Variants in ENAH observed in about 807,000 individuals in gnomAD.
The protein encoded by ENAH is protein enabled homolog.
Under a neutral mutation model 78.7 loss-of-function variants are expected in ENAH, and 23 were observed. The observed-to-expected ratio is 0.29, with a 90% confidence interval of 0.21 to 0.41. The LOEUF (loss-of-function observed/expected upper bound fraction) is 0.41. Ranked by LOEUF, ENAH falls within the 10% of genes least tolerant of loss-of-function variation. The pLI, the probability that ENAH is intolerant of heterozygous loss-of-function variation, is 1.00. For missense variants in ENAH, 544 were observed against 691.0 expected (o/e 0.79, Z 2.39); for synonymous variants, 226 against 241.0 (o/e 0.94, Z 0.58).
At position 225,494,082 on chromosome 1, in the gene ENAH, A is replaced by AAAC. The variant is rs1558690879; in HGVS notation, c.*3692_*3693insGTT. 6.6e-6 allele frequency: 1 copy of AAAC among 151,216 alleles called. No individual in the cohort carries two copies. Among genetic ancestry groups the AAAC allele is most frequent in the African/African-American group, 2.4e-5 (1 of 41,262 alleles). 9.4% of individuals were successfully genotyped at this position (151,216 alleles called of 1,614,324 possible). A position where few individuals can be genotyped will look rare whatever the true frequency, so the allele number is the denominator to read the frequency against. On this transcript the variant is annotated 3_prime_UTR_variant, in exon 14 of 14. Transcript: ENST00000366843. ...GCTAGAGCAAAAAAAAAAAAAAAAA[A>AAAC]ACAGCTGAAAATTTTACAACTGTAA... is the stretch of plus-strand genomic sequence containing the variant.
intron 1 of ENAH, among the ~76,000 whole-genome samples, chr1:225,606,495 A>T (rs1326979018): frequency 6.6e-6 from 1 of 151,894 alleles, no homozygotes; most frequent in Non-Finnish European, 1.5e-5. Flanking sequence ...ATATTTTAAC[A>T]TATTAGTTGA....
At chr1:225,569,078 A>G (rs953567864) in intron 1 of ENAH, among the ~76,000 whole-genome samples, 2 of 152,224 alleles carry the variant, frequency 1.3e-5, no homozygotes, top group African/African-American at 4.8e-5. Flanking sequence ...AAATCTCTCC[A>G]TCATTCACAA....
chr1:225,522,110 T>C (rs1424773112), intron 4 of ENAH, among the ~76,000 whole-genome samples: 1 of 152,208 alleles, frequency 6.6e-6, no homozygotes, highest in African/African-American at 2.4e-5. Context: ...ATAGTTATTA[T>C]TTGGAAATTT....
chr1:225,616,031 C>T (rs2097029386), intron 1 of ENAH, among the ~76,000 whole-genome samples: 1 of 151,986 alleles, frequency 6.6e-6, no homozygotes, highest in Non-Finnish European at 1.5e-5. Context: ...AACCTTACCC[C>T]CAACCCCGAG....
chr1:225,512,604 C>T (rs1487130096), intron 9 of ENAH, 53 bp downstream of exon 9: 11 of 1,525,264 alleles, frequency 7.2e-6, no homozygotes, highest in Admixed American at 1.9e-5. Context: ...CCTGAATGAG[C>T]TGTGCCTGAA....
At chr1:225,652,503 T>C in intron 1 of ENAH, 183 bp downstream of exon 1, 1 of 864,024 alleles carries the variant, frequency 1.2e-6, no homozygotes, top group Non-Finnish European at 1.4e-6. Flanking sequence ...CCACACGGGT[T>C]GGGGAGGTTT....
At chr1:225,552,791 T>C (rs2096647586) in intron 3 of ENAH, among the ~76,000 whole-genome samples, 1 of 152,224 alleles carries the variant, frequency 6.6e-6, no homozygotes, top group Non-Finnish European at 1.5e-5. Context: ...CACACTAAAA[T>C]GCTTGTGTAG....
chr1:225,641,332 T>C (rs1661024729), intron 1 of ENAH, among the ~76,000 whole-genome samples: 1 of 148,570 alleles, frequency 6.7e-6, no homozygotes, highest in African/African-American at 2.5e-5. Flanking sequence ...AAAGGTACCA[T>C]GTCGAACCCA....
rs545824209 is a variant in ENAH, at chr1:225,588,399, G to A, written c.6-20985C>T. Among the ~76,000 whole-genome samples, 96 of 152,258 alleles carry A rather than the reference G, an allele frequency of 6.3e-4. 3 individuals are homozygous for A. In the South Asian group the frequency reaches 0.017, roughly 27 times the overall value. ...TTAAATCATTAATCATCAGGGAAACGCCAGTTAAAATCACAATAAGATGCC... is the reference window on the plus strand; with the variant it reads ...TTAAATCATTAATCATCAGGGAAACACCAGTTAAAATCACAATAAGATGCC... On this transcript the variant is annotated intron_variant, in intron 1 of 13. Coordinates refer to ENST00000366843, the MANE Select transcript of ENAH (RefSeq NM_018212.6).
chr1:225,632,492 C>T (rs926932036), intron 1 of ENAH, among the ~76,000 whole-genome samples: 1 of 132,926 alleles, frequency 7.5e-6, no homozygotes, highest in Non-Finnish European at 1.6e-5. Context: ...AGCGAGACTC[C>T]GTCTCAAAAA....
In ENAH at chr1:225,652,903, G is replaced by C. The variant is rs1458010269; in HGVS notation, c.-213C>G. ...GGAGAAGAGGGCGAGAGAAAGGCTG[G>C]GGAGGGGGCGGAGAGGCCGAGGCGC... is the stretch of plus-strand genomic sequence containing the variant. On this transcript the variant is annotated 5_prime_UTR_variant, in exon 1 of 14. Transcript: ENST00000366843. 5.0e-6 allele frequency: 2 copies of C among 396,374 alleles called. No individual in the cohort carries two copies. The highest frequency in any genetic ancestry group is 8.9e-6 in the Non-Finnish European group (2 of 225,886). 24.6% of individuals were successfully genotyped at this position (396,374 alleles called of 1,614,324 possible). A position where few individuals can be genotyped will look rare whatever the true frequency, so the allele number is the denominator to read the frequency against.
At chr1:225,607,350 G>C (rs982572938) in intron 1 of ENAH, among the ~76,000 whole-genome samples, 1 of 152,200 alleles carries the variant, frequency 6.6e-6, no homozygotes, top group Non-Finnish European at 1.5e-5. Context: ...GGTTGGACAA[G>C]CTTGCTCTAG....
intron 1 of ENAH, among the ~76,000 whole-genome samples, chr1:225,650,793 TGAGCCGA>T (rs1216252818): frequency 1.1e-4 from 14 of 130,778 alleles, no homozygotes; most frequent in African/African-American, 3.3e-4. Flanking sequence ...GAGGTTGCAG[TGAGCCGA>T]GACCGCGCCA....
rs2096227759 is a variant in ENAH, at chr1:225,492,678, T to C, written c.*5097A>G. 6.6e-6 allele frequency: 1 copy of C among 152,216 alleles called. No homozygotes were observed. Among genetic ancestry groups the C allele is most frequent in the South Asian group, 2.1e-4 (1 of 4,832 alleles). 9.4% of individuals were successfully genotyped at this position (152,216 alleles called of 1,614,324 possible). On this transcript the variant is annotated 3_prime_UTR_variant, in exon 14 of 14. Transcript: ENST00000366843. ...AATACTCAAGGCCTACTATGTGCTT[T>C]AAATGATACTAACACTTCCGTTTAG... is the stretch of plus-strand genomic sequence containing the variant.
intron 1 of ENAH, among the ~76,000 whole-genome samples, chr1:225,614,458 A>G (rs560048113): frequency 7.3e-4 from 111 of 152,284 alleles, no homozygotes; most frequent in African/African-American, 2.7e-3. Flanking sequence ...GATCTCCTGT[A>G]CCTGGGATGT....
At chr1:225,534,843 A>C (rs749254730) in intron 3 of ENAH, among the ~76,000 whole-genome samples, 2 of 152,138 alleles carry the variant, frequency 1.3e-5, no homozygotes, top group Non-Finnish European at 2.9e-5. Context: ...CCTTAGATAT[A>C]TATCTTATTC....
chr1:225,542,218 A>G (rs1282752362), intron 3 of ENAH, among the ~76,000 whole-genome samples: 1 of 152,174 alleles, frequency 6.6e-6, no homozygotes, highest in Non-Finnish European at 1.5e-5. Flanking sequence ...GGACATAAAG[A>G]ATGAAGTGAC....
At chr1:225,587,719 T>C (rs1036631299) in intron 1 of ENAH, among the ~76,000 whole-genome samples, 4 of 151,978 alleles carry the variant, frequency 2.6e-5, no homozygotes, top group African/African-American at 9.7e-5. Flanking sequence ...AAAAGAATAA[T>C]GATAGAAGAC....
chr1:225,554,588 A>T (rs995109584), intron 3 of ENAH, among the ~76,000 whole-genome samples: 1 of 152,222 alleles, frequency 6.6e-6, no homozygotes, highest in Admixed American at 6.5e-5. Context: ...TCTGGGCTTC[A>T]TGTACTTGCA....
Sources: gnomAD v4.1 joint callset for allele counts (sites outside exome capture counted in the v4.1 genomes callset) on GRCh38, gnomAD v4.1.1 for gene constraint, MANE v1.5 for transcripts, NCBI Gene and HGNC (gene_info 2026-07-23, HGNC 2026-07-21) for gene names.